HIVEP1: variants seen among roughly 807,000 people sequenced by gnomAD.
The protein encoded by HIVEP1 is zinc finger protein 40.
HIVEP1 carries 36 observed loss-of-function variants against 180.0 expected under a neutral mutation model. The ratio of observed to expected loss-of-function variants is 0.20; its 90% confidence interval spans 0.15 to 0.26. The LOEUF (loss-of-function observed/expected upper bound fraction) is 0.26. Among genes scored for constraint, HIVEP1 ranks in the 10% least tolerant of loss-of-function variants. The pLI is 1.00. For missense variants in HIVEP1, 3,143 were observed against 3,268.7 expected, an observed-to-expected ratio of 0.96 and a Z score of 0.94; for synonymous variants, 1,239 against 1,239.0, an observed-to-expected ratio of 1.00 and a Z score of 0.00.
At chr6:12,084,229 C>T (rs950041020) in intron 2 of HIVEP1, among the ~76,000 whole-genome samples, 1 of 152,126 alleles carries the variant, frequency 6.6e-6, no homozygotes, top group Admixed American at 6.6e-5. Context: ...ACTAGTTCAT[C>T]ACAATTTTCA....
chr6:12,161,772 C>T lies in HIVEP1; in HGVS notation c.6821C>T (p.Pro2274Leu), dbSNP rs770790070. The T allele has an allele frequency of 2.6e-5, 42 of 1,613,998 alleles. No homozygotes were observed. Among genetic ancestry groups the T allele is most frequent in the South Asian group, 7.7e-5 (7 of 91,086 alleles). Residue 2274 changes from proline (P) to leucine (L), a missense_variant, in exon 8 of 9, where the codon CCG (proline) becomes CTG (leucine). By Grantham distance (98) the Pro-to-Leu change is moderately conservative. Around this residue, in one of 12 missense-constraint regions of HIVEP1, gnomAD observed 595 missense variants for 602.2 expected, o/e 0.99. Transcript: ENST00000379388. ...QSDYNRKTLS[P>L]GKARQRAARD... is the part of the protein sequence containing the mutation. ...GACTACAATAGGAAGACACTCTCTC[C>T]GGGGAAGGCCAGGCAGCGTGCTGCG... is the stretch of plus-strand genomic sequence containing the variant.
At chr6:12,031,705 T>G (rs1768951074) in intron 2 of HIVEP1, among the ~76,000 whole-genome samples, 1 of 152,228 alleles carries the variant, frequency 6.6e-6, no homozygotes. Context: ...AGTTCAGTAC[T>G]TTCCACGAAG....
intron 4 of HIVEP1, among the ~76,000 whole-genome samples, chr6:12,126,590 C>T (rs77192807): frequency 1.3e-5 from 2 of 152,178 alleles, no homozygotes; most frequent in African/African-American, 2.4e-5. Context: ...AAGCATATCA[C>T]GTTCGACTCT....
At chr6:12,201,965 C>T in the HIVEP1 span, among the ~76,000 whole-genome samples, 1 of 152,236 alleles carries the variant, frequency 6.6e-6, no homozygotes, top group Middle Eastern at 3.4e-3. Context: ...AATCCAAATG[C>T]ATCCCATTAT....
chr6:12,037,805 A>T (rs565535994), intron 2 of HIVEP1: 1 of 443,898 alleles, frequency 2.3e-6, no homozygotes, highest in Non-Finnish European at 4.0e-6. Context: ...GGGACAAGCT[A>T]AGGCTTGTCC....
intron 3 of HIVEP1, among the ~76,000 whole-genome samples, chr6:12,118,413 T>G (rs1020636508): frequency 8.5e-5 from 13 of 152,236 alleles, no homozygotes; most frequent in Admixed American, 3.9e-4. Context: ...TTGAATATTT[T>G]TTGTTCATAT....
chr6:12,106,332 A>C (rs1012473145), intron 3 of HIVEP1, among the ~76,000 whole-genome samples: 1 of 152,086 alleles, frequency 6.6e-6, no homozygotes, highest in African/African-American at 2.4e-5. Flanking sequence ...GGATATTTGC[A>C]AATTGACGTA....
chr6:12,205,578 C>A, the HIVEP1 span, among the ~76,000 whole-genome samples: 2 of 152,152 alleles, frequency 1.3e-5, no homozygotes, highest in East Asian at 3.8e-4. Flanking sequence ...AATTATGCCT[C>A]TGTTTCTTGC....
At chr6:12,013,459 T>C (rs1767527149) in intron 1 of HIVEP1, among the ~76,000 whole-genome samples, 1 of 152,102 alleles carries the variant, frequency 6.6e-6, no homozygotes, top group African/African-American at 2.4e-5. Flanking sequence ...AGGATTTAAA[T>C]ATGGGATGGA....
At chr6:12,195,873 A>G in the HIVEP1 span, among the ~76,000 whole-genome samples, 131,700 of 152,252 alleles carry the variant, frequency 0.87, 58,138 homozygotes, top group East Asian at 0.97. Context: ...TTCTAGTAGA[A>G]CTACTCTGCT....
At chr6:12,011,538 A>AACCCCGCCCCTCCCCCCC (rs1767304092), upstream of HIVEP1, among the ~76,000 whole-genome samples, 2 of 145,494 alleles carry the variant, frequency 1.4e-5, 1 homozygote, top group Non-Finnish European at 3.0e-5. Context: ...GTCGCGACCC[A>AACCCCGCCCCTCCCCCCC]GGGCTCCCGC....
chr6:12,064,226 C>T (rs1215503163), intron 2 of HIVEP1, among the ~76,000 whole-genome samples: 1 of 152,078 alleles, frequency 6.6e-6, no homozygotes, highest in Non-Finnish European at 1.5e-5. Context: ...AGCAATGCAT[C>T]CCTATAGTGG....
Position 12,125,077 on chromosome 6 carries a change from A to C in HIVEP1, c.5282A>C (p.His1761Pro). ...ANSLDIAMEK[H>P]QKRAKDENGA... ...AGTTTAGACATTGCCATGGAAAAGC[A>C]CCAGAAGCGGGCCAAAGATGAAAAT... The change falls in exon 4 of 9, where the codon CAC becomes CCC. Residue 1761 changes from histidine to proline, a missense_variant. His to Pro is a moderately conservative substitution (Grantham distance 77). Around this residue, in one of 12 missense-constraint regions of HIVEP1, gnomAD observed 1,357 missense variants for 1,260.5 expected, o/e 1.08. Coordinates refer to ENST00000379388, the MANE Select transcript of HIVEP1 (RefSeq NM_002114.4). 1 of 1,613,996 alleles carries C rather than the reference A, an allele frequency of 6.2e-7. No individual in the cohort carries two copies. The highest frequency in any genetic ancestry group is 8.5e-7 in the Non-Finnish European group (1 of 1,179,972).
intron 3 of HIVEP1, among the ~76,000 whole-genome samples, chr6:12,095,489 G>A (rs1365024680): frequency 8.6e-6 from 1 of 116,378 alleles, no homozygotes; most frequent in Non-Finnish European, 1.6e-5. Flanking sequence ...CCCAAATCAT[G>A]TTGGAATTTT....
the HIVEP1 span, among the ~76,000 whole-genome samples, chr6:12,177,201 A>G: frequency 0.027 from 4,092 of 152,254 alleles, 185 homozygotes; most frequent in African/African-American, 0.092. Context: ...AGCAGAAAAA[A>G]CAACTATTGA....
In HIVEP1 at chr6:12,013,055, C is replaced by G. The variant is rs562502685; in HGVS notation, c.-104+489C>G. ...CTCGGGCTCGCCTTGGGGTCGGGCT[C>G]GGGAAGGAGTTGCTGGCTGGAGAGG... On this transcript the variant is annotated intron_variant, in intron 1 of 8. Coordinates refer to ENST00000379388, the MANE Select transcript of HIVEP1 (RefSeq NM_002114.4). Among the ~76,000 whole-genome samples, 3 of 151,780 alleles carry G rather than the reference C, an allele frequency of 2.0e-5. No homozygotes were observed. In the South Asian group the frequency reaches 6.2e-4, roughly 32 times the overall value.
At position 12,124,180 on chromosome 6, in the gene HIVEP1, T is replaced by A; in HGVS notation, c.4385T>A (p.Val1462Glu). The A allele has an allele frequency of 1.2e-6, 2 of 1,614,072 alleles. No homozygotes were observed. Among genetic ancestry groups the A allele is most frequent in the Non-Finnish European group, 1.7e-6 (2 of 1,179,954 alleles). ...ACTGCTCTTCCCAGTGTGAATGCAG[T>A]GCCATATCAGGGGCCTCAGCTCACT... ...QNTALPSVNAVPYQGPQLTST... is the reference protein window; with the variant it reads ...QNTALPSVNAEPYQGPQLTST... The change falls in exon 4 of 9, where the codon GTG (valine) becomes GAG (glutamate). Residue 1462 changes from valine (V) to glutamate (E), a missense_variant. Val to Glu is a moderately radical substitution (Grantham distance 121, BLOSUM62 -2). This residue lies in a region of HIVEP1 where 1,357 missense variants were observed against 1,260.5 expected (regional missense o/e 1.08). Coordinates refer to ENST00000379388, the MANE Select transcript of HIVEP1 (RefSeq NM_002114.4).
At chr6:12,187,801 G>C in the HIVEP1 span, among the ~76,000 whole-genome samples, 4 of 152,026 alleles carry the variant, frequency 2.6e-5, no homozygotes, top group Non-Finnish European at 5.9e-5. Context: ...GGCCAGGCTG[G>C]TCTTGAACCC....
At chr6:12,026,040 CAA>C (rs113797667) in intron 2 of HIVEP1, among the ~76,000 whole-genome samples, 16 of 130,196 alleles carry the variant, frequency 1.2e-4, no homozygotes, top group Non-Finnish European at 1.2e-4. Context: ...AACCCCATAT[CAA>C]AAAAAAAAAA....
Sources: gnomAD v4.1 joint callset for allele counts (sites outside exome capture counted in the v4.1 genomes callset) on GRCh38, gnomAD v4.1.1 for gene constraint, gnomAD v4.1.1 regional missense constraint, MANE v1.5 for transcripts, NCBI Gene and HGNC (gene_info 2026-07-23, HGNC 2026-07-21) for gene names.